Variants in PCDHGA3 observed in about 807,000 individuals in gnomAD.
The protein encoded by PCDHGA3 is protocadherin gamma subfamily A, 3, also known as protocadherin gamma-A3.
A neutral mutation model predicts 58.5 loss-of-function variants in PCDHGA3; 40 were observed. The observed-to-expected ratio is 0.68, with a 90% CI of 0.53 to 0.89. The LOEUF (loss-of-function observed/expected upper bound fraction) is 0.89. Ranked by LOEUF, PCDHGA3 falls within the 40% of genes least tolerant of loss-of-function variation. PCDHGA3 has a pLI of 0.00. For synonymous variants in PCDHGA3, 530 were observed against 525.7 expected (o/e 1.01, Z -0.11); for missense variants, 1,223 against 1,195.9 (o/e 1.02, Z -0.33).
At chr5:141,371,823 T>A in intron 1 of PCDHGA3, 2 of 1,613,832 alleles carry the variant, frequency 1.2e-6, no homozygotes, top group South Asian at 2.2e-5. Flanking sequence ...TGTCAGAGCC[T>A]CGGATCCCGA....
intron 1 of PCDHGA3, chr5:141,421,090 G>C (rs552694052): frequency 1.5e-6 from 1 of 661,192 alleles, no homozygotes; most frequent in Admixed American, 3.2e-5. Context: ...CACAGATCCT[G>C]ACACTGGAGA....
Position 141,355,345 on chromosome 5 carries a change from G to C in PCDHGA3, c.2424+8888G>C. 6.2e-7 allele frequency: 1 copy of C among 1,614,020 alleles called. No homozygotes were observed. The highest frequency in any genetic ancestry group is 1.7e-5 in the Admixed American group (1 of 60,032). On this transcript the variant is annotated intron_variant, in intron 1 of 3. Coordinates refer to ENST00000253812, the MANE Select transcript of PCDHGA3 (RefSeq NM_018916.4). ...AGAAGGCTCAGTGGTGGGCAACATCGCCAAGGACCTGGGGTTGGCGCCCCG... is the reference window on the plus strand; with the variant it reads ...AGAAGGCTCAGTGGTGGGCAACATCCCCAAGGACCTGGGGTTGGCGCCCCG...
chr5:141,364,257 C>T, intron 1 of PCDHGA3: 1 of 1,495,330 alleles, frequency 6.7e-7, no homozygotes, highest in Non-Finnish European at 8.9e-7. Flanking sequence ...GGAATATGTA[C>T]CCATCGGCTT....
chr5:141,394,173 C>T, intron 1 of PCDHGA3: 1 of 1,613,948 alleles, frequency 6.2e-7, no homozygotes, highest in Non-Finnish European at 8.5e-7. Flanking sequence ...TACTTTCCCT[C>T]ATGCCTCCTA....
At chr5:141,441,635 G>T in intron 1 of PCDHGA3, 1 of 226,720 alleles carries the variant, frequency 4.4e-6, no homozygotes, top group Non-Finnish European at 8.9e-6. Flanking sequence ...TGGAGCCACA[G>T]GCGCTGTGAT....
intron 1 of PCDHGA3, chr5:141,399,761 G>C: frequency 1.2e-6 from 2 of 1,613,356 alleles, no homozygotes; most frequent in Non-Finnish European, 1.7e-6. Flanking sequence ...GTGAGCCTGC[G>C]CGTGTTGGTG....
intron 1 of PCDHGA3, chr5:141,374,792 G>A (rs1588751016): frequency 6.2e-7 from 1 of 1,613,898 alleles, no homozygotes; most frequent in Non-Finnish European, 8.5e-7. Context: ...AGATGTGAAT[G>A]ACAACACTCC....
At chr5:141,380,361 GA>G (rs980591138) in intron 1 of PCDHGA3, among the ~76,000 whole-genome samples, 1 of 151,502 alleles carries the variant, frequency 6.6e-6, no homozygotes, top group Non-Finnish European at 1.5e-5. Flanking sequence ...TTGTTTTTTA[GA>G]AAAAAAAGTC....
At chr5:141,350,545 G>A (rs1758499936) in intron 1 of PCDHGA3, 1 of 1,613,914 alleles carries the variant, frequency 6.2e-7, no homozygotes, top group Non-Finnish European at 8.5e-7. Context: ...TTTGCGGAAG[G>A]AAACTTGAGT....
chr5:141,393,937 A>G lies in PCDHGA3; in HGVS notation c.2424+47480A>G, dbSNP rs751838967. 26 of 1,613,788 alleles carry G rather than the reference A, an allele frequency of 1.6e-5. 2 individuals are homozygous for G. In the South Asian group the frequency reaches 2.9e-4, roughly 18 times the overall value. On this transcript the variant is annotated intron_variant, in intron 1 of 3. Coordinates refer to ENST00000253812, the MANE Select transcript of PCDHGA3 (RefSeq NM_018916.4). ...GCCTTCTTGAGTGTGCATGACCAAG[A>G]CTCTGGAAAGAATGGTCAAGTTGTC...
intron 1 of PCDHGA3, chr5:141,408,754 T>G: frequency 6.2e-7 from 1 of 1,610,602 alleles, no homozygotes; most frequent in Non-Finnish European, 8.5e-7. Flanking sequence ...TGGTTAGAGT[T>G]AATTCCGATG....
In PCDHGA3 at chr5:141,345,066, C is replaced by T. The variant is rs1167339735; in HGVS notation, c.1033C>T (p.Pro345Ser). The T allele has an allele frequency of 3.1e-6, 5 of 1,613,896 alleles. No individual in the cohort carries two copies. In the Admixed American group the frequency reaches 6.7e-5, roughly 22 times the overall value. ...VTVLDVNDNAPEITITSLTSS... is the reference protein window; with the variant it reads ...VTVLDVNDNASEITITSLTSS... ...GGTTCTGGATGTGAATGACAATGCT[C>T]CAGAAATTACAATCACGTCTCTCAC... is the stretch of plus-strand genomic sequence containing the variant. The change falls in exon 1 of 4, where the codon CCA becomes TCA. Residue 345 changes from proline to serine, a missense_variant. This residue lies in a region of PCDHGA3 where 791 missense variants were observed against 708.5 expected (regional missense o/e 1.12). Coordinates refer to ENST00000253812, the MANE Select transcript of PCDHGA3 (RefSeq NM_018916.4).
chr5:141,365,104 C>A (rs775966290), intron 1 of PCDHGA3: 1 of 1,613,874 alleles, frequency 6.2e-7, no homozygotes, highest in Non-Finnish European at 8.5e-7. Flanking sequence ...TACCTGTGGG[C>A]ACTCGGCTGC....
At position 141,415,832 on chromosome 5, in the gene PCDHGA3, T is replaced by C. The variant is rs995620508; in HGVS notation, c.2424+69375T>C. On this transcript the variant is annotated intron_variant, in intron 1 of 3. Coordinates refer to ENST00000253812, the MANE Select transcript of PCDHGA3 (RefSeq NM_018916.4). ...GCCTATATATCATAAGGCTTTGTTA[T>C]GATTAGCTTTGCAGAACCTTGTAGT... 33 of 1,310,754 alleles carry C rather than the reference T, an allele frequency of 2.5e-5. No individual in the cohort carries two copies. The African/African-American group carries it at 4.7e-4, about 19-fold the overall frequency. 81.2% of individuals were successfully genotyped at this position (1,310,754 alleles called of 1,614,324 possible).
intron 1 of PCDHGA3, chr5:141,417,573 C>A: frequency 2.7e-6 from 1 of 377,070 alleles, no homozygotes; most frequent in Non-Finnish European, 4.7e-6. Flanking sequence ...AGTCAAGTTG[C>A]AGTCCCACAC....
At chr5:141,375,922 G>A (rs1772046633) in intron 1 of PCDHGA3, 5 of 1,613,646 alleles carry the variant, frequency 3.1e-6, no homozygotes, top group Admixed American at 1.7e-5. Context: ...AGGCCAGCGA[G>A]CCAGGACTTT....
chr5:141,407,497 G>GTTTTTTT (rs1554102286), intron 1 of PCDHGA3, among the ~76,000 whole-genome samples: 1 of 152,088 alleles, frequency 6.6e-6, no homozygotes, highest in African/African-American at 2.4e-5. Context: ...CTTTATTTCT[G>GTTTTTTT]TTTTTCTTAG....
intron 1 of PCDHGA3, chr5:141,352,342 G>T: frequency 6.2e-7 from 1 of 1,614,068 alleles, no homozygotes. Flanking sequence ...CCTTGGCCTT[G>T]ATCTCAGTGC....
intron 1 of PCDHGA3, chr5:141,395,077 A>T: frequency 6.2e-7 from 1 of 1,614,142 alleles, no homozygotes; most frequent in Non-Finnish European, 8.5e-7. Flanking sequence ...ACCTATTCCC[A>T]GGAAGTCTCC....
Sources: gnomAD v4.1 joint callset for allele counts (sites outside exome capture counted in the v4.1 genomes callset) on GRCh38, gnomAD v4.1.1 for gene constraint, gnomAD v4.1.1 regional missense constraint, MANE v1.5 for transcripts, NCBI Gene and HGNC (gene_info 2026-07-23, HGNC 2026-07-21) for gene names.